Variants in HMGXB3 observed in about 807,000 individuals in gnomAD.
HMGXB3 encodes the protein HMG domain-containing protein 3.
Under a neutral mutation model 121.5 loss-of-function variants are expected in HMGXB3, and 45 were observed. The ratio of observed to expected loss-of-function variants is 0.37; its 90% CI spans 0.29 to 0.47. The LOEUF (loss-of-function observed/expected upper bound fraction) is 0.47. Ranked by LOEUF, HMGXB3 falls within the 20% of genes least tolerant of loss-of-function variation. The probability of loss-of-function intolerance (pLI) is 0.99; values close to 1 mark genes in which losing one functional copy is unlikely to be tolerated. For synonymous variants in HMGXB3, 590 were observed against 624.1 expected, an observed-to-expected ratio of 0.95 and a Z score of 0.81; for missense variants, 1,376 against 1,602.2, an observed-to-expected ratio of 0.86 and a Z score of 2.41.
Position 150,037,372 on chromosome 5 carries a change from T to G in HMGXB3, c.2286-28T>G, listed in dbSNP as rs763986320. ...TAAAGAAGTCTCTTTCCCTTCTTTTTTTTTGTTGGTGATGTTTCTGGTACT... is the reference window on the plus strand; with the variant it reads ...TAAAGAAGTCTCTTTCCCTTCTTTTGTTTTGTTGGTGATGTTTCTGGTACT... On this transcript the variant is annotated intron_variant, in intron 12 of 19. Transcript: ENST00000502717. 2.7e-6 allele frequency: 4 copies of G among 1,505,690 alleles called. No individual in the cohort carries two copies. In the South Asian group the frequency reaches 3.8e-5, roughly 14 times the overall value. 93.3% of individuals were successfully genotyped at this position (1,505,690 alleles called of 1,614,324 possible).
Position 150,036,797 on chromosome 5 carries a change from A to G in HMGXB3, c.2145A>G (p.Glu715=). The change falls in exon 12 of 20, where the codon GAA becomes GAG. Residue 715 remains glutamate (E), a synonymous_variant. Transcript: ENST00000502717. Reference sequence around the variant, plus strand: ...CTGAGGTCTTCGCCTTGATTCATGAACTCAACAGCTCTCGACTTATCTTGT... The same window carrying G: ...CTGAGGTCTTCGCCTTGATTCATGAGCTCAACAGCTCTCGACTTATCTTGT... The part of the protein sequence containing the change: ...ELAEVFALIH[E]LNSSRLILSN... The G allele has an allele frequency of 6.4e-7, 1 of 1,551,640 alleles. No homozygotes were observed. Among genetic ancestry groups the G allele is most frequent in the African/African-American group, 1.4e-5 (1 of 73,136 alleles).
At chr5:150,001,850 T>G (rs1016935981) in intron 1 of HMGXB3, among the ~76,000 whole-genome samples, 3 of 152,210 alleles carry the variant, frequency 2.0e-5, no homozygotes, top group Non-Finnish European at 4.4e-5. Flanking sequence ...TAGTACCCTA[T>G]ATGCCATTCA....
At chr5:150,010,768 C>T (rs1390195651) in intron 4 of HMGXB3, among the ~76,000 whole-genome samples, 160 bp downstream of exon 4, 1 of 152,270 alleles carries the variant, frequency 6.6e-6, no homozygotes, top group African/African-American at 2.4e-5. Context: ...CCTGGGCTCA[C>T]TCCAGAGTTC....
intron 5 of HMGXB3, 59 bp from the exon 6 acceptor site, chr5:150,018,506 TA>T: frequency 7.3e-7 from 1 of 1,363,892 alleles, no homozygotes; most frequent in Non-Finnish European, 9.7e-7. Context: ...GCTGTGATTA[TA>T]GTGGTCATCA....
In HMGXB3 at chr5:150,004,858, C is replaced by T. The variant is rs552339879; in HGVS notation, c.6C>T (p.Asp2=). 9.7e-6 allele frequency: 15 copies of T among 1,546,286 alleles called. No individual in the cohort carries two copies. The highest frequency in any genetic ancestry group is 4.9e-5 in the East Asian group (2 of 40,878). ...GACTTTCCTTTCCTTTAGCCATGGA[C>T]GCATCATATGATGGTACTGAGGTAA... M[D]ASYDGTEVTV... is the part of the protein sequence containing the mutation. Residue 2 remains aspartate, a synonymous_variant, in exon 2 of 20, where the codon GAC becomes GAT. Transcript: ENST00000502717.
chr5:150,048,789 G>A (rs1049027131), intron 18 of HMGXB3, 104 bp downstream of exon 18: 248 of 841,706 alleles, frequency 2.9e-4, no homozygotes, highest in Non-Finnish European at 4.1e-5. Flanking sequence ...TTAGGTCACT[G>A]GGCAACCTCC....
At chr5:150,045,161 T>C (rs1386047231) in intron 15 of HMGXB3, among the ~76,000 whole-genome samples, 2 of 152,216 alleles carry the variant, frequency 1.3e-5, no homozygotes, top group African/African-American at 4.8e-5. Flanking sequence ...ACATAACAGG[T>C]ACTCAAATGG....
chr5:150,022,001 C>T (rs1463722810), intron 6 of HMGXB3: 1 of 377,820 alleles, frequency 2.6e-6, no homozygotes, highest in South Asian at 2.0e-5. Flanking sequence ...CGGGCAGGAG[C>T]GGGCGGACCG....
At chr5:150,005,093 A>T in intron 2 of HMGXB3, 104 bp downstream of exon 2, 1 of 1,411,240 alleles carries the variant, frequency 7.1e-7, no homozygotes, top group Non-Finnish European at 9.4e-7. Flanking sequence ...GAGTGTTATG[A>T]TTGAAGTCCT....
chr5:150,006,994 C>T (rs375431398), intron 3 of HMGXB3, among the ~76,000 whole-genome samples: 3 of 152,130 alleles, frequency 2.0e-5, no homozygotes, highest in Admixed American at 2.0e-4. Context: ...ATTTCTCCTA[C>T]GCCATGAGTT....
intron 3 of HMGXB3, 77 bp from the exon 4 acceptor site, chr5:150,010,033 AT>A: frequency 7.2e-7 from 1 of 1,381,504 alleles, no homozygotes. Context: ...ACACATATAT[AT>A]ATATCTTTCT....
At chr5:150,027,525 CTTGT>C (rs1322828246) in intron 9 of HMGXB3, among the ~76,000 whole-genome samples, 2 of 151,270 alleles carry the variant, frequency 1.3e-5, no homozygotes, top group East Asian at 1.9e-4. Context: ...TGCCTTTATG[CTTGT>C]TTGTGTATTT....
At chr5:150,030,940 G>A (rs1389669188) in intron 10 of HMGXB3, 101 bp downstream of exon 10, 4 of 787,288 alleles carry the variant, frequency 5.1e-6, no homozygotes, top group Admixed American at 2.1e-5. Context: ...TGGTAGCTGG[G>A]AGGGAGAACA....
intron 5 of HMGXB3, among the ~76,000 whole-genome samples, chr5:150,017,777 G>A (rs1755991062): frequency 6.6e-6 from 1 of 152,204 alleles, no homozygotes; most frequent in Non-Finnish European, 1.5e-5. Context: ...ATATGACAGA[G>A]AAATGGGTTT....
At chr5:150,003,527 T>C (rs1755626140) in intron 1 of HMGXB3, among the ~76,000 whole-genome samples, 1 of 152,118 alleles carries the variant, frequency 6.6e-6, no homozygotes. Context: ...AGAGGATCGC[T>C]TGAGCCCAGG....
At position 150,022,986 on chromosome 5, in the gene HMGXB3, A is replaced by ATT. The variant is rs56092645; in HGVS notation, c.1042-1254_1042-1253dup. Among the ~76,000 whole-genome samples, 243 of 100,868 alleles carry ATT rather than the reference A, an allele frequency of 2.4e-3. 1 individual carries two copies. Among genetic ancestry groups the ATT allele is most frequent in the African/African-American group, 9.0e-3 (204 of 22,658 alleles). 66.2% of individuals were successfully genotyped at this position (100,868 alleles called of 152,430 possible). On this transcript the variant is annotated intron_variant, in intron 6 of 19. Transcript: ENST00000502717. ...GGCTGCATACCACCATGCCTGGCTA[A>ATT]TTTTTTTTTTTTTTTTTTTTTTTGT...
chr5:150,050,439 C>G lies in HMGXB3; in HGVS notation c.3389C>G (p.Ser1130Cys). 6.4e-7 allele frequency: 1 copy of G among 1,551,488 alleles called. No homozygotes were observed. Among genetic ancestry groups the G allele is most frequent in the Non-Finnish European group, 8.7e-7 (1 of 1,146,790 alleles). The change falls in exon 19 of 20, where the codon TCT becomes TGT. Residue 1130 changes from serine (S) to cysteine (C), a missense_variant. Coordinates refer to ENST00000502717, the MANE Select transcript of HMGXB3 (RefSeq NM_014983.3). ...TGGGGGAGGAACCAGGGCTGTTTCT[C>G]TAGCCCCACAGAGCCACCTGTGGTG... ...QMWGRNQGCF[S>C]SPTEPPVSVS...
Position 150,052,456 on chromosome 5 carries a change from G to A in HMGXB3, c.*264G>A, listed in dbSNP as rs759701285. ...GGGGGACACGGTATGTTTAATGGAG[G>A]GGAGGCTGAGGGAAAGGCTCGTAGC... On this transcript the variant is annotated 3_prime_UTR_variant, in exon 20 of 20. Transcript: ENST00000502717. 2 of 449,568 alleles carry A rather than the reference G, an allele frequency of 4.4e-6. No individual in the cohort carries two copies. The highest frequency in any genetic ancestry group is 7.5e-5 in the East Asian group (2 of 26,778). 27.8% of individuals were successfully genotyped at this position (449,568 alleles called of 1,614,324 possible).
intron 5 of HMGXB3, among the ~76,000 whole-genome samples, chr5:150,013,067 T>A (rs1755881350): frequency 6.6e-6 from 1 of 152,236 alleles, no homozygotes; most frequent in Admixed American, 6.5e-5. Flanking sequence ...TCCTTTCTGA[T>A]TTGAATTCCT....
Sources: gnomAD v4.1 joint callset for allele counts (sites outside exome capture counted in the v4.1 genomes callset) on GRCh38, gnomAD v4.1.1 for gene constraint, MANE v1.5 for transcripts, NCBI Gene and HGNC (gene_info 2026-07-23, HGNC 2026-07-21) for gene names.